Variants in PLCL2 observed in about 807,000 individuals in gnomAD.
The protein encoded by PLCL2 is inactive phospholipase C-like protein 2.
A neutral mutation model predicts 79.6 loss-of-function variants in PLCL2; 4 were observed. That is an observed-to-expected ratio of 0.05 (90% CI 0.02 to 0.11). PLCL2 has a LOEUF of 0.11. PLCL2 is among the 10% of genes least tolerant of loss of function. The pLI, the probability that PLCL2 is intolerant of heterozygous loss-of-function variation, is 1.00. For synonymous variants in PLCL2, 484 were observed against 457.7 expected, an observed-to-expected ratio of 1.06 and a Z score of -0.73; for missense variants, 895 against 1,291.0, an observed-to-expected ratio of 0.69 and a Z score of 4.70.
chr3:16,980,299 G>A (rs910685362), intron 1 of PLCL2, among the ~76,000 whole-genome samples: 6 of 148,068 alleles, frequency 4.1e-5, no homozygotes, highest in African/African-American at 1.2e-4. Context: ...CCTCTTGGAC[G>A]GGGCGGCTGG....
intron 4 of PLCL2, among the ~76,000 whole-genome samples, chr3:17,060,682 T>C (rs929984930): frequency 2.6e-5 from 4 of 152,300 alleles, no homozygotes; most frequent in African/African-American, 7.2e-5. Context: ...CTAAGTAGTG[T>C]GATATCATAC....
intron 1 of PLCL2, among the ~76,000 whole-genome samples, chr3:16,966,785 A>T (rs1014835611): frequency 6.6e-6 from 1 of 151,780 alleles, no homozygotes; most frequent in African/African-American, 2.4e-5. Flanking sequence ...TTTCTTCTAG[A>T]TTTTCTAGTT....
At chr3:17,038,339 G>T (rs2064680430) in intron 3 of PLCL2, among the ~76,000 whole-genome samples, 1 of 152,208 alleles carries the variant, frequency 6.6e-6, no homozygotes, top group Non-Finnish European at 1.5e-5. Flanking sequence ...GCTGGCAGCA[G>T]GGTGTCTGAT....
intron 1 of PLCL2, among the ~76,000 whole-genome samples, chr3:16,935,408 C>T (rs954588723): frequency 6.6e-6 from 1 of 151,994 alleles, no homozygotes; most frequent in Non-Finnish European, 1.5e-5. Flanking sequence ...TTTGTTCATG[C>T]TTTATGCCTG....
At chr3:16,890,414 A>G (rs556054284) in intron 1 of PLCL2, among the ~76,000 whole-genome samples, 1 of 152,376 alleles carries the variant, frequency 6.6e-6, no homozygotes, top group African/African-American at 2.4e-5. Flanking sequence ...CAAGGAGCCT[A>G]AACTAGAATG....
At chr3:16,950,511 A>C (rs2063640472) in intron 1 of PLCL2, among the ~76,000 whole-genome samples, 1 of 151,078 alleles carries the variant, frequency 6.6e-6, no homozygotes, top group African/African-American at 2.4e-5. Flanking sequence ...TTAGCTCTTC[A>C]TGTAGAGATT....
At chr3:17,050,996 T>G (rs768972872) in intron 4 of PLCL2, among the ~76,000 whole-genome samples, 5 of 152,140 alleles carry the variant, frequency 3.3e-5, no homozygotes, top group Non-Finnish European at 5.9e-5. Flanking sequence ...ATTTGCAACA[T>G]GGATGGAACT....
Position 16,998,594 on chromosome 3 carries a change from C to T in PLCL2, c.328-11080C>T, listed in dbSNP as rs566484172. Among the ~76,000 whole-genome samples, 12 of 152,280 alleles carry T rather than the reference C, an allele frequency of 7.9e-5. 1 individual carries two copies. In the South Asian group the frequency reaches 2.3e-3, roughly 29 times the overall value. On this transcript the variant is annotated intron_variant, in intron 1 of 5. Transcript: ENST00000615277. ...ATCACTAGTGTAATTTATAGGAGCT[C>T]GGTGCTTACCGTTAAGTTTTTCACT...
At chr3:17,026,284 A>T (rs1358130857) in intron 3 of PLCL2, among the ~76,000 whole-genome samples, 1 of 152,250 alleles carries the variant, frequency 6.6e-6, no homozygotes, top group Non-Finnish European at 1.5e-5. Flanking sequence ...AGTCAAGTTT[A>T]ACTCTACAAG....
intron 1 of PLCL2, among the ~76,000 whole-genome samples, chr3:16,962,517 CT>C (rs1321516467): frequency 6.6e-6 from 1 of 151,510 alleles, no homozygotes; most frequent in African/African-American, 2.4e-5. Flanking sequence ...TTTTAATAAC[CT>C]AACTATAAAT....
intron 1 of PLCL2, among the ~76,000 whole-genome samples, chr3:16,943,279 A>G (rs1363923954): frequency 6.6e-6 from 1 of 152,208 alleles, no homozygotes; most frequent in Non-Finnish European, 1.5e-5. Flanking sequence ...ATTAACTGTG[A>G]GAACAATTAT....
chr3:17,077,896 A>G (rs1229007599), intron 5 of PLCL2, among the ~76,000 whole-genome samples: 1 of 152,204 alleles, frequency 6.6e-6, no homozygotes, highest in Non-Finnish European at 1.5e-5. Flanking sequence ...TCTGTGGAAC[A>G]GGGGTCTTTC....
At chr3:16,961,236 G>C (rs975820497) in intron 1 of PLCL2, among the ~76,000 whole-genome samples, 2 of 152,194 alleles carry the variant, frequency 1.3e-5, no homozygotes, top group Non-Finnish European at 2.9e-5. Flanking sequence ...ACTAGAAGTT[G>C]AAGTTCTTAT....
At chr3:17,089,625 T>C (rs1163012387) in intron 5 of PLCL2, 108 bp from the exon 6 acceptor site, 1 of 711,768 alleles carries the variant, frequency 1.4e-6, no homozygotes, top group Admixed American at 2.7e-5. Flanking sequence ...TAATTATGCC[T>C]TCTTGTGGAA....
At position 16,951,345 on chromosome 3, in the gene PLCL2, C is replaced by A. The variant is rs530814143; in HGVS notation, c.328-58329C>A. ...TGGTCATCTGTTTTATTTTTTAGTTCATTTATATTAAATTTTAACATACTA... is the reference window on the plus strand; with the variant it reads ...TGGTCATCTGTTTTATTTTTTAGTTAATTTATATTAAATTTTAACATACTA... On this transcript the variant is annotated intron_variant, in intron 1 of 5. Transcript: ENST00000615277. Among the ~76,000 whole-genome samples the A allele has an allele frequency of 1.3e-4, 19 of 151,730 alleles. No individual in the cohort carries two copies. The South Asian group carries it at 3.8e-3, about 30-fold the overall frequency.
chr3:17,058,433 G>A (rs1314691926), intron 4 of PLCL2, among the ~76,000 whole-genome samples: 3 of 152,156 alleles, frequency 2.0e-5, no homozygotes, highest in Non-Finnish European at 4.4e-5. Flanking sequence ...GATTGAATGT[G>A]GCATAGGAGG....
intron 3 of PLCL2, among the ~76,000 whole-genome samples, chr3:17,023,120 G>C (rs545409864): frequency 6.6e-6 from 1 of 152,048 alleles, no homozygotes; most frequent in African/African-American, 2.4e-5. Flanking sequence ...CCTCGAGGTG[G>C]GTACATAGTG....
intron 1 of PLCL2, among the ~76,000 whole-genome samples, chr3:16,892,204 A>G (rs1428404086): frequency 6.6e-6 from 1 of 152,242 alleles, no homozygotes; most frequent in Non-Finnish European, 1.5e-5. Context: ...TGCTTCAAAG[A>G]AGAAATTTAT....
At chr3:16,933,762 TA>T (rs1697468757) in intron 1 of PLCL2, among the ~76,000 whole-genome samples, 1 of 152,138 alleles carries the variant, frequency 6.6e-6, no homozygotes, top group South Asian at 2.1e-4. Context: ...ATGTGTAATT[TA>T]TTTAGCCAGT....
Sources: allele counts gnomAD v4.1 joint callset (sites outside exome capture counted in the v4.1 genomes callset), GRCh38; gene constraint gnomAD v4.1.1; transcripts MANE v1.5; gene names NCBI Gene and HGNC (gene_info 2026-07-23, HGNC 2026-07-21).